Variants in ADGRL3 observed in about 807,000 individuals in gnomAD.
ADGRL3 encodes the protein adhesion G protein-coupled receptor L3, also known as calcium-independent alpha-latrotoxin receptor 3.
ADGRL3 carries 62 observed loss-of-function variants against 153.5 expected under a neutral mutation model. The ratio of observed to expected loss-of-function variants is 0.40; its 90% CI spans 0.33 to 0.50. ADGRL3 has a LOEUF of 0.50. Ranked by LOEUF, ADGRL3 falls within the 20% of genes least tolerant of loss-of-function variation. ADGRL3 has a pLI of 0.47. For synonymous variants in ADGRL3, 710 were observed against 672.5 expected, an observed-to-expected ratio of 1.06 and a Z score of -0.86; for missense variants, 1,641 against 1,859.4, an observed-to-expected ratio of 0.88 and a Z score of 2.16.
chr4:61,528,519 T>C (rs1381022735), intron 4 of ADGRL3, among the ~76,000 whole-genome samples: 1 of 152,026 alleles, frequency 6.6e-6, no homozygotes, highest in African/African-American at 2.4e-5. Context: ...TTAATAGGAT[T>C]TTGGAGATAC....
intron 4 of ADGRL3, among the ~76,000 whole-genome samples, chr4:61,554,597 C>T (rs1021366016): frequency 2.6e-5 from 4 of 151,958 alleles, no homozygotes; most frequent in Non-Finnish European, 4.4e-5. Context: ...GTGTATGTGA[C>T]AGAGAGAGAG....
intron 1 of ADGRL3, among the ~76,000 whole-genome samples, chr4:61,230,651 C>T (rs916920491): frequency 6.6e-6 from 1 of 152,092 alleles, no homozygotes; most frequent in African/African-American, 2.4e-5. Flanking sequence ...TCCCAAAGTG[C>T]TGGAATTACA....
At chr4:61,936,124 T>A (rs759795680) in intron 15 of ADGRL3, 79 bp downstream of exon 15, 4 of 1,515,702 alleles carry the variant, frequency 2.6e-6, no homozygotes, top group Non-Finnish European at 3.6e-6. Context: ...GAATATTAGG[T>A]CCACTATTTA....
At chr4:61,607,973 G>A (rs1220671353) in intron 5 of ADGRL3, among the ~76,000 whole-genome samples, 3 of 152,126 alleles carry the variant, frequency 2.0e-5, no homozygotes, top group East Asian at 1.9e-4. Flanking sequence ...AGTCAACCAG[G>A]CTAGATTTCT....
intron 2 of ADGRL3, among the ~76,000 whole-genome samples, chr4:61,432,107 T>G (rs111430375): frequency 0.035 from 5,277 of 152,306 alleles, 110 homozygotes; most frequent in South Asian, 0.084. Flanking sequence ...TAAGACCAGT[T>G]TCTTGATACT....
intron 9 of ADGRL3, among the ~76,000 whole-genome samples, chr4:61,837,886 G>A (rs1043328114): frequency 5.9e-5 from 9 of 151,982 alleles, no homozygotes; most frequent in Admixed American, 5.2e-4. Flanking sequence ...GTGGGGAGCT[G>A]GCATTGCATG....
At chr4:61,567,404 G>A (rs1317659150) in intron 4 of ADGRL3, among the ~76,000 whole-genome samples, 1 of 152,178 alleles carries the variant, frequency 6.6e-6, no homozygotes, top group Non-Finnish European at 1.5e-5. Flanking sequence ...CCTTTGGAAG[G>A]TGATAAGATC....
In ADGRL3 at chr4:61,232,283, G is replaced by C. The variant is rs112102813; in HGVS notation, c.-240+30518G>C. On this transcript the variant is annotated intron_variant, in intron 1 of 26. Transcript: ENST00000683033. ...CTCATTTTCTTAAGTTTGAATTCCA[G>C]TTTTACCAGTGACCAACAATGTCAC... is the stretch of plus-strand genomic sequence containing the variant. Among the ~76,000 whole-genome samples the C allele has an allele frequency of 2.7e-3, 409 of 151,566 alleles. 2 individuals are homozygous for C. The highest frequency in any genetic ancestry group is 8.8e-3 in the African/African-American group (363 of 41,372).
chr4:61,432,626 CT>C (rs1339378638), intron 2 of ADGRL3, among the ~76,000 whole-genome samples: 1 of 62,778 alleles, frequency 1.6e-5, no homozygotes, highest in African/African-American at 6.3e-5. Flanking sequence ...TTCTTTCTTT[CT>C]TTCTTTCTTT....
At chr4:61,856,226 A>G (rs2098262155) in intron 9 of ADGRL3, among the ~76,000 whole-genome samples, 1 of 152,050 alleles carries the variant, frequency 6.6e-6, no homozygotes, top group Admixed American at 6.6e-5. Flanking sequence ...ATAAATAAAT[A>G]AAAATTTCAA....
intron 9 of ADGRL3, among the ~76,000 whole-genome samples, chr4:61,839,915 A>G (rs955169653): frequency 9.3e-5 from 14 of 151,136 alleles, no homozygotes; most frequent in Non-Finnish European, 5.9e-5. Context: ...AGGCTATAGC[A>G]CTCCAGCCTG....
At chr4:61,338,201 G>A (rs185070290) in intron 1 of ADGRL3, among the ~76,000 whole-genome samples, 21 of 151,826 alleles carry the variant, frequency 1.4e-4, no homozygotes, top group Admixed American at 1.3e-3. Context: ...AACCTAGGAG[G>A]AAGAAGCTGT....
intron 2 of ADGRL3, among the ~76,000 whole-genome samples, chr4:61,390,917 T>A (rs753231856): frequency 3.3e-5 from 5 of 152,182 alleles, no homozygotes; most frequent in Non-Finnish European, 7.3e-5. Context: ...GATTGACTTC[T>A]TTTTCTCAGC....
chr4:61,822,213 T>C (rs374775681), intron 9 of ADGRL3, among the ~76,000 whole-genome samples: 2 of 152,214 alleles, frequency 1.3e-5, no homozygotes, highest in Non-Finnish European at 2.9e-5. Flanking sequence ...TGTGTTCCTA[T>C]GCTTGTAAAG....
chr4:61,677,160 C>G, intron 6 of ADGRL3: 1 of 488,562 alleles, frequency 2.0e-6, no homozygotes, highest in Non-Finnish European at 3.7e-6. Context: ...TATATGAATA[C>G]GTGTTCTAAC....
chr4:61,288,675 C>T (rs973653226), intron 1 of ADGRL3, among the ~76,000 whole-genome samples: 10 of 152,012 alleles, frequency 6.6e-5, no homozygotes, highest in Non-Finnish European at 1.0e-4. Flanking sequence ...TCACATAGAA[C>T]GTTTTGAGAA....
intron 3 of ADGRL3, among the ~76,000 whole-genome samples, chr4:61,515,023 C>T (rs2098484424): frequency 6.6e-6 from 1 of 152,030 alleles, no homozygotes; most frequent in Non-Finnish European, 1.5e-5. Context: ...GATCCCTATT[C>T]CCACGTCCCT....
intron 2 of ADGRL3, among the ~76,000 whole-genome samples, chr4:61,426,325 C>T (rs1304559840): frequency 6.6e-6 from 1 of 152,210 alleles, no homozygotes; most frequent in African/African-American, 2.4e-5. Context: ...AGCCCACTGA[C>T]TACTTTGTCC....
At chr4:61,953,685 A>C (rs2098955819) in intron 17 of ADGRL3, among the ~76,000 whole-genome samples, 1 of 152,182 alleles carries the variant, frequency 6.6e-6, no homozygotes, top group African/African-American at 2.4e-5. Flanking sequence ...TCATAATTTT[A>C]TAAGAATTAT....
Sources: gnomAD v4.1 joint callset for allele counts (sites outside exome capture counted in the v4.1 genomes callset) on GRCh38, gnomAD v4.1.1 for gene constraint, MANE v1.5 for transcripts, NCBI Gene and HGNC (gene_info 2026-07-23, HGNC 2026-07-21) for gene names.